Variants in CACNA2D4 observed in about 807,000 individuals in gnomAD.
CACNA2D4 encodes the protein calcium voltage-gated channel auxiliary subunit alpha2delta 4.
In CACNA2D4, 157 loss-of-function variants were observed where a neutral mutation model predicts 163.8. The observed-to-expected ratio is 0.96, with a 90% confidence interval of 0.84 to 1.09. The LOEUF (loss-of-function observed/expected upper bound fraction) is 1.09, where lower values mean the gene tolerates loss of function less well. CACNA2D4 is among the 50% of genes least tolerant of loss of function. CACNA2D4 has a pLI of 0.00. For synonymous variants in CACNA2D4, 598 were observed against 586.9 expected, an observed-to-expected ratio of 1.02 and a Z score of -0.27; for missense variants, 1,410 against 1,479.9, an observed-to-expected ratio of 0.95 and a Z score of 0.78.
chr12:1,838,337 A>C (rs992176432), intron 26 of CACNA2D4, among the ~76,000 whole-genome samples: 3 of 151,992 alleles, frequency 2.0e-5, no homozygotes, highest in African/African-American at 7.2e-5. Context: ...AATCGTCACC[A>C]TACAGCCCCC....
rs1866144931 is a variant in CACNA2D4, at chr12:1,886,315, T to C, written c.901A>G (p.Ser301Gly). ...ATAGTCATCCTCAGCCCCTTCATACTGCCGCTCACGTCCACCAAAATCACT... is the reference window on the plus strand; with the variant it reads ...ATAGTCATCCTCAGCCCCTTCATACCGCCGCTCACGTCCACCAAAATCACT... ...DIVILVDVSG[S>G]MKGLRMTIAK... Residue 301 changes from serine to glycine, a missense_variant, in exon 8 of 38, where the codon AGT becomes GGT. Transcript: ENST00000382722. 1.9e-6 allele frequency: 3 copies of C among 1,613,890 alleles called. No homozygotes were observed. In the East Asian group the frequency reaches 6.7e-5, roughly 36 times the overall value.
Position 1,820,738 on chromosome 12 carries a change from ATAGGAATCC to A in CACNA2D4, c.2552-9024_2552-9016del. On this transcript the variant is annotated intron_variant, in intron 26 of 37. Coordinates refer to ENST00000382722, the MANE Select transcript of CACNA2D4 (RefSeq NM_172364.5). The surrounding 1 kb of genome is among the most constrained non-coding windows in gnomAD (Gnocchi z 6.0). ...GCCTGCCGGTGGTGTCTGGATTTCT[ATAGGAATCC>A]CAGGAGGGTCTTACTGGAGGGTTGA... 6.6e-6 allele frequency: 1 copy of A among 152,424 alleles called. No homozygotes were observed. The highest frequency in any genetic ancestry group is 1.9e-4 in the East Asian group (1 of 5,184). The allele number at this position is 152,424 out of a possible 1,614,324, so 9.4% of individuals were successfully genotyped here.
At chr12:1,845,787 C>T (rs1275504109) in intron 24 of CACNA2D4, among the ~76,000 whole-genome samples, 2 of 152,214 alleles carry the variant, frequency 1.3e-5, no homozygotes, top group African/African-American at 4.8e-5. Flanking sequence ...TCAGCCTTGG[C>T]ACCGGTGACA....
intron 5 of CACNA2D4, 141 bp downstream of exon 5, chr12:1,907,734 G>A (rs1046980900): frequency 1.1e-4 from 132 of 1,205,924 alleles, no homozygotes; most frequent in Non-Finnish European, 1.5e-4. Flanking sequence ...TGGTGGGCGT[G>A]CCTGGTGGGC....
chr12:1,793,404 A>G lies in CACNA2D4; in HGVS notation c.*251T>C, dbSNP rs1278668441. On this transcript the variant is annotated 3_prime_UTR_variant, in exon 38 of 38. Coordinates refer to ENST00000382722, the MANE Select transcript of CACNA2D4 (RefSeq NM_172364.5). ...AGAGGAGACAGGAAGGTTAGGTCAG[A>G]AGTATGCTCATGTTGAGACCTAGGG... The G allele has an allele frequency of 1.7e-6, 1 of 575,008 alleles. No individual in the cohort carries two copies. The highest frequency in any genetic ancestry group is 1.9e-5 in the African/African-American group (1 of 53,544). 35.6% of individuals were successfully genotyped at this position (575,008 alleles called of 1,614,324 possible).
rs563782761 is a variant in CACNA2D4 at position 1,811,476 on chromosome 12, G to C, written c.2613+186C>G. Reference sequence around the variant, plus strand: ...GTGCCCTCAGCACTGGGCTGGCAGGGGCTGGGGACCAGCGCTGAGGCCCGG... The same window carrying C: ...GTGCCCTCAGCACTGGGCTGGCAGGCGCTGGGGACCAGCGCTGAGGCCCGG... On this transcript the variant is annotated intron_variant, in intron 27 of 37. Coordinates refer to ENST00000382722, the MANE Select transcript of CACNA2D4 (RefSeq NM_172364.5). Among the ~76,000 whole-genome samples, 9 of 152,318 alleles carry C rather than the reference G, an allele frequency of 5.9e-5. No individual in the cohort carries two copies. In the South Asian group the frequency reaches 1.9e-3, roughly 32 times the overall value.
intron 2 of CACNA2D4, among the ~76,000 whole-genome samples, chr12:1,914,629 C>T (rs527277972): frequency 5.9e-5 from 9 of 152,316 alleles, no homozygotes; most frequent in African/African-American, 2.2e-4. Context: ...GGCCTCTGCT[C>T]CCTGAGGACC....
In CACNA2D4 at chr12:1,854,052, C is replaced by CAAAACATCAGGG; in HGVS notation, c.2153-20_2153-9dup. 1.2e-6 allele frequency: 2 copies of CAAAACATCAGGG among 1,602,682 alleles called. No homozygotes were observed. The highest frequency in any genetic ancestry group is 1.7e-6 in the Non-Finnish European group (2 of 1,173,384). ...GGACCAGCTCCTCGTCACCTGGGTGCAAAACATCAGGGAACCAGGCCACAT... is the reference window on the plus strand; with the variant it reads ...GGACCAGCTCCTCGTCACCTGGGTGCAAAACATCAGGGAAAACATCAGGGAACCAGGCCACAT... On this transcript the variant is annotated splice_polypyrimidine_tract_variant and intron_variant, in intron 22 of 37. Coordinates refer to ENST00000382722, the MANE Select transcript of CACNA2D4 (RefSeq NM_172364.5).
intron 23 of CACNA2D4, among the ~76,000 whole-genome samples, chr12:1,847,063 G>A (rs115049831): frequency 2.0e-3 from 302 of 152,294 alleles, no homozygotes; most frequent in African/African-American, 7.0e-3. Flanking sequence ...TGCCCAGCAC[G>A]TACCAGGCAC....
intron 4 of CACNA2D4, among the ~76,000 whole-genome samples, chr12:1,908,811 T>C (rs9669364): frequency 0.027 from 306 of 11,142 alleles, 2 homozygotes; most frequent in African/African-American, 0.078. Flanking sequence ...GACAGCGTTA[T>C]GGACATCCCC....
At chr12:1,818,170 G>C (rs1565683008) in intron 26 of CACNA2D4, among the ~76,000 whole-genome samples, 2 of 148,752 alleles carry the variant, frequency 1.3e-5, no homozygotes, top group Non-Finnish European at 3.0e-5. Flanking sequence ...CCTCCGCCCG[G>C]CAGCCGCCCC....
At position 1,858,756 on chromosome 12, in the gene CACNA2D4, G is replaced by A. The variant is rs533660687; in HGVS notation, c.1941-112C>T. The A allele has an allele frequency of 2.8e-4, 193 of 699,318 alleles. 1 individual carries two copies. Among genetic ancestry groups the A allele is most frequent in the Middle Eastern group, 5.3e-4 (2 of 3,770 alleles). The allele number at this position is 699,318 out of a possible 1,614,324, so 43.3% of individuals were successfully genotyped here. Reference sequence around the variant, plus strand: ...AGGTGTATGGGCTTTTTGTACCCACGACGAGTGGTGTGCTCCTCATGCCCC... The same window carrying A: ...AGGTGTATGGGCTTTTTGTACCCACAACGAGTGGTGTGCTCCTCATGCCCC... On this transcript the variant is annotated intron_variant, in intron 19 of 37. Coordinates refer to ENST00000382722, the MANE Select transcript of CACNA2D4 (RefSeq NM_172364.5).
chr12:1,910,402 T>C (rs1360171509), intron 3 of CACNA2D4, among the ~76,000 whole-genome samples: 1 of 152,260 alleles, frequency 6.6e-6, no homozygotes, highest in Non-Finnish European at 1.5e-5. Context: ...TGCTATGGAC[T>C]TGGGGATAAT....
intron 6 of CACNA2D4, among the ~76,000 whole-genome samples, chr12:1,903,605 G>A (rs190112338): frequency 6.6e-6 from 1 of 151,662 alleles, no homozygotes; most frequent in Non-Finnish European, 1.5e-5. Flanking sequence ...ATGGCAAACA[G>A]GTATATAAAA....
intron 27 of CACNA2D4, among the ~76,000 whole-genome samples, chr12:1,810,907 G>T (rs1863684711): frequency 6.6e-6 from 1 of 152,220 alleles, no homozygotes; most frequent in South Asian, 2.1e-4. Context: ...GCTGCATTCG[G>T]CAGGCCCTGG....
At chr12:1,815,272 C>T (rs1366336419) in intron 26 of CACNA2D4, among the ~76,000 whole-genome samples, 8 of 151,518 alleles carry the variant, frequency 5.3e-5, no homozygotes, top group African/African-American at 9.8e-5. Context: ...TCCAGAAACA[C>T]TTCACCTCTC....
intron 26 of CACNA2D4, among the ~76,000 whole-genome samples, chr12:1,826,263 C>G (rs573910860): frequency 1.3e-5 from 2 of 152,176 alleles, no homozygotes; most frequent in Non-Finnish European, 1.5e-5. Context: ...TGTCAACTCT[C>G]TTCCCTTCAC....
intron 16 of CACNA2D4, among the ~76,000 whole-genome samples, chr12:1,876,433 T>C (rs16928860): frequency 0.063 from 9,598 of 152,236 alleles, 786 homozygotes; most frequent in East Asian, 0.42. Flanking sequence ...TGATTAGGTC[T>C]GCAGCACTTC....
At position 1,860,300 on chromosome 12, in the gene CACNA2D4, C is replaced by T; in HGVS notation, c.1879-94G>A. The T allele has an allele frequency of 3.5e-6, 3 of 868,436 alleles. No individual in the cohort carries two copies. The South Asian group carries it at 4.2e-5, about 12-fold the overall frequency. 53.8% of individuals were successfully genotyped at this position (868,436 alleles called of 1,614,324 possible). A position where few individuals can be genotyped will look rare whatever the true frequency, so the allele number is the denominator to read the frequency against. ...AGGGCTCTTGGGGTCTTCATCGTCA[C>T]TGTACAGTCCCTCCGCCTTCTTGTC... On this transcript the variant is annotated intron_variant, in intron 18 of 37. Transcript: ENST00000382722.
Sources: allele counts gnomAD v4.1 joint callset (sites outside exome capture counted in the v4.1 genomes callset), GRCh38; gene constraint gnomAD v4.1.1; non-coding constraint Gnocchi (gnomAD v3.1); transcripts MANE v1.5; gene names NCBI Gene and HGNC (gene_info 2026-07-23, HGNC 2026-07-21).